Variants in BDH1 observed in about 807,000 individuals in gnomAD.
BDH1 encodes the protein 3-hydroxybutyrate dehydrogenase 1.
In BDH1, 30 loss-of-function variants were observed where a neutral mutation model predicts 33.1. The ratio of observed to expected loss-of-function variants is 0.91; its 90% CI spans 0.68 to 1.23. The LOEUF (loss-of-function observed/expected upper bound fraction) is 1.23, where lower values mean the gene tolerates loss of function less well. BDH1 is among the 50% of genes most tolerant of loss of function. BDH1 has a pLI of 0.00. For missense variants in BDH1, 443 were observed against 464.4 expected, an observed-to-expected ratio of 0.95 and a Z score of 0.42; for synonymous variants, 190 against 183.6, an observed-to-expected ratio of 1.03 and a Z score of -0.28.
At chr3:197,527,787 C>A (rs1714246490) in intron 5 of BDH1, among the ~76,000 whole-genome samples, 2 of 151,964 alleles carry the variant, frequency 1.3e-5, no homozygotes, top group South Asian at 4.2e-4. Flanking sequence ...GACACTCCCT[C>A]CTGCACCTCC....
At chr3:197,519,915 C>T (rs891833243) in intron 6 of BDH1, among the ~76,000 whole-genome samples, 5 of 152,114 alleles carry the variant, frequency 3.3e-5, no homozygotes, top group African/African-American at 9.7e-5. Context: ...GCTGGCTCCC[C>T]GGGCTTTGGC....
At chr3:197,563,282 T>C (rs1717325412) in intron 1 of BDH1, among the ~76,000 whole-genome samples, 1 of 152,248 alleles carries the variant, frequency 6.6e-6, no homozygotes, top group Admixed American at 6.5e-5. Flanking sequence ...GCTGTCTGAC[T>C]TTTATGTGAG....
At chr3:197,538,011 T>C (rs780803315) in intron 3 of BDH1, among the ~76,000 whole-genome samples, 3 of 152,204 alleles carry the variant, frequency 2.0e-5, no homozygotes, top group Non-Finnish European at 4.4e-5. Context: ...AGAGAACTCA[T>C]CACTGCACCA....
intron 3 of BDH1, among the ~76,000 whole-genome samples, chr3:197,545,045 G>A (rs764685521): frequency 2.6e-5 from 4 of 152,140 alleles, no homozygotes; most frequent in Non-Finnish European, 5.9e-5. Context: ...CTAAATGCAT[G>A]TTCCATTAAA....
At chr3:197,569,592 T>C (rs1374088998) in intron 1 of BDH1, among the ~76,000 whole-genome samples, 1 of 152,162 alleles carries the variant, frequency 6.6e-6, no homozygotes, top group East Asian at 1.9e-4. Context: ...TGGTAGTGAA[T>C]AAGTTTCTCC....
intron 2 of BDH1, among the ~76,000 whole-genome samples, chr3:197,549,866 T>G (rs1469137418): frequency 7.1e-6 from 1 of 140,600 alleles, no homozygotes; most frequent in African/African-American, 2.8e-5. Context: ...GTACTTACTA[T>G]GTTAAAACTA....
chr3:197,519,320 G>A (rs978717583), intron 6 of BDH1, among the ~76,000 whole-genome samples: 2 of 152,062 alleles, frequency 1.3e-5, no homozygotes, highest in Non-Finnish European at 2.9e-5. Flanking sequence ...TGGGCAAGCT[G>A]AGACCCACAC....
chr3:197,530,227 G>A (rs1714514814), intron 5 of BDH1: 1 of 152,146 alleles, frequency 6.6e-6, no homozygotes, highest in African/African-American at 2.4e-5. Flanking sequence ...AAATTGTGTG[G>A]AAATAGGCAC....
At chr3:197,541,681 T>C (rs965747470) in intron 3 of BDH1, among the ~76,000 whole-genome samples, 2 of 152,156 alleles carry the variant, frequency 1.3e-5, no homozygotes, top group Admixed American at 1.3e-4. Flanking sequence ...GGAAGTTCTT[T>C]AAAGTATTCC....
intron 1 of BDH1, among the ~76,000 whole-genome samples, chr3:197,562,185 G>A (rs1487928947): frequency 6.6e-6 from 1 of 152,178 alleles, no homozygotes; most frequent in Non-Finnish European, 1.5e-5. Flanking sequence ...GGGTGGCTGA[G>A]CACAGTTTAC....
intron 3 of BDH1, among the ~76,000 whole-genome samples, chr3:197,534,606 G>T (rs1197052401): frequency 1.3e-5 from 2 of 152,170 alleles, no homozygotes; most frequent in Non-Finnish European, 2.9e-5. Context: ...GGGTGTAATT[G>T]CTGGGTCATA....
At chr3:197,524,924 T>C (rs1275872159) in intron 5 of BDH1, among the ~76,000 whole-genome samples, 10 of 152,212 alleles carry the variant, frequency 6.6e-5, no homozygotes, top group African/African-American at 1.7e-4. Context: ...GAAAAGGCAC[T>C]GTGGCGTGGC....
At chr3:197,545,739 T>C (rs1039834285) in intron 3 of BDH1, among the ~76,000 whole-genome samples, 1 of 152,274 alleles carries the variant, frequency 6.6e-6, no homozygotes, top group Non-Finnish European at 1.5e-5. Flanking sequence ...TTGTAAGATG[T>C]TAACATTTAG....
At position 197,533,684 on chromosome 3, in the gene BDH1, C is replaced by T. The variant is rs1360709793; in HGVS notation, c.84-123G>A. On this transcript the variant is annotated intron_variant, in intron 3 of 7. Transcript: ENST00000392379. ...TCCTGGAGACAGCTTGCTGGTACAA[C>T]TGAGTAAGAGGCCCTCTTTCCACCA... is the stretch of plus-strand genomic sequence containing the variant. The T allele has an allele frequency of 6.7e-6, 6 of 895,378 alleles. No homozygotes were observed. The East Asian group carries it at 1.3e-4, about 20-fold the overall frequency. 55.5% of individuals were successfully genotyped at this position (895,378 alleles called of 1,614,324 possible).
chr3:197,544,223 C>A (rs1015294053), intron 3 of BDH1, among the ~76,000 whole-genome samples: 7 of 152,130 alleles, frequency 4.6e-5, no homozygotes, highest in African/African-American at 1.7e-4. Context: ...GCTGCCCATA[C>A]CTTCACCCTA....
Position 197,514,158 on chromosome 3 carries a change from C to A in BDH1, c.562+106G>T. The A allele has an allele frequency of 7.1e-7, 1 of 1,418,042 alleles. No individual in the cohort carries two copies. Among genetic ancestry groups the A allele is most frequent in the East Asian group, 2.5e-5 (1 of 39,440 alleles). 87.8% of individuals were successfully genotyped at this position (1,418,042 alleles called of 1,614,324 possible). On this transcript the variant is annotated intron_variant, in intron 7 of 7. Transcript: ENST00000392379. The surrounding 1 kb of genome is among the most constrained non-coding windows in gnomAD (Gnocchi z 4.2). Reference sequence around the variant, plus strand: ...CCTGGGATTCACGAGCTCACCTCTGCTGAGTTGTGGACATTGGAGCTGCTG... The same window carrying A: ...CCTGGGATTCACGAGCTCACCTCTGATGAGTTGTGGACATTGGAGCTGCTG...
At chr3:197,551,381 C>T (rs546116031) in intron 2 of BDH1, among the ~76,000 whole-genome samples, 3 of 152,320 alleles carry the variant, frequency 2.0e-5, no homozygotes, top group South Asian at 4.1e-4. Context: ...GTTCCATCCA[C>T]GTTGTTGCAA....
chr3:197,537,363 G>C (rs753696664), intron 3 of BDH1, among the ~76,000 whole-genome samples: 2 of 152,146 alleles, frequency 1.3e-5, no homozygotes, highest in Non-Finnish European at 2.9e-5. Context: ...ATTTTTGTGT[G>C]TTATCTTGTA....
rs556119972 is a variant in BDH1, at chr3:197,550,749, T to G, written c.-44+3813A>C. On this transcript the variant is annotated intron_variant, in intron 2 of 7. Coordinates refer to ENST00000392379, the MANE Select transcript of BDH1 (RefSeq NM_203314.3). Reference sequence around the variant, plus strand: ...ATGCAGAAAGCAGCAGGGGTGGAGGTGGAGGGAGGGAGGGAGAAAAGCAAC... The same window carrying G: ...ATGCAGAAAGCAGCAGGGGTGGAGGGGGAGGGAGGGAGGGAGAAAAGCAAC... 1.1e-4 allele frequency among the ~76,000 whole-genome samples: 16 copies of G among 144,962 alleles called. No homozygotes were observed. The South Asian group carries it at 2.2e-3, about 20-fold the overall frequency.
Sources: gnomAD v4.1 joint callset for allele counts (sites outside exome capture counted in the v4.1 genomes callset) on GRCh38, gnomAD v4.1.1 for gene constraint, Gnocchi (gnomAD v3.1) non-coding constraint, MANE v1.5 for transcripts, NCBI Gene and HGNC (gene_info 2026-07-23, HGNC 2026-07-21) for gene names.